The following MARK1 variants were observed in gnomAD, a reference collection of about 807,000 sequenced individuals.
MARK1 encodes the protein serine/threonine-protein kinase MARK1.
MARK1 carries 40 observed loss-of-function variants against 96.3 expected under a neutral mutation model. The observed-to-expected ratio is 0.42, with a 90% confidence interval of 0.32 to 0.54. MARK1 has a LOEUF of 0.54. Among genes scored for constraint, MARK1 ranks in the 20% least tolerant of loss-of-function variants. The probability of loss-of-function intolerance (pLI) is 0.16; values close to 1 mark genes in which losing one functional copy is unlikely to be tolerated. For synonymous variants in MARK1, 317 were observed against 341.2 expected (o/e 0.93, Z 0.78); for missense variants, 719 against 984.6 (o/e 0.73, Z 3.61).
At chr1:220,535,318 A>G (rs770623579) in intron 1 of MARK1, among the ~76,000 whole-genome samples, 2 of 152,106 alleles carry the variant, frequency 1.3e-5, no homozygotes, top group Admixed American at 6.5e-5. Flanking sequence ...TGCATTTCCC[A>G]GATGATTTGT....
At chr1:220,532,041 G>T (rs1182957891) in intron 1 of MARK1, among the ~76,000 whole-genome samples, 3 of 152,012 alleles carry the variant, frequency 2.0e-5, no homozygotes. Context: ...CTCCGATTAT[G>T]CTAATTATTA....
At chr1:220,566,722 GC>G (rs1227752677) in intron 1 of MARK1, among the ~76,000 whole-genome samples, 4 of 152,074 alleles carry the variant, frequency 2.6e-5, no homozygotes, top group Non-Finnish European at 5.9e-5. Flanking sequence ...ACAAATTCAG[GC>G]ATAATCTACT....
Position 220,615,919 on chromosome 1 carries a change from T to C in MARK1, c.496-20T>C, listed in dbSNP as rs1245670851. 2.1e-6 allele frequency: 3 copies of C among 1,398,910 alleles called. No homozygotes were observed. 86.7% of individuals were successfully genotyped at this position (1,398,910 alleles called of 1,614,324 possible). On this transcript the variant is annotated intron_variant, in intron 6 of 17. Coordinates refer to ENST00000366917, the MANE Select transcript of MARK1 (RefSeq NM_018650.5). ...CGTTTTTTTAATAATTTGACTCTTT[T>C]ATCCAAATGTTTATTCCAGATTGTA...
intron 15 of MARK1, 54 bp downstream of exon 15, chr1:220,652,204 C>T (rs1343065537): frequency 2.8e-5 from 39 of 1,414,594 alleles, no homozygotes; most frequent in Non-Finnish European, 3.7e-5. Context: ...AAAAATATAG[C>T]ACCATGTGAA....
intron 9 of MARK1, chr1:220,626,819 CAAAA>C (rs34627760): frequency 7.2e-4 from 188 of 261,222 alleles, no homozygotes; most frequent in Middle Eastern, 2.8e-3. Context: ...GACTCCATCT[CAAAA>C]AAAAAAAAAA....
At chr1:220,582,790 TCTA>T (rs1664324471) in intron 3 of MARK1, among the ~76,000 whole-genome samples, 1 of 152,232 alleles carries the variant, frequency 6.6e-6, no homozygotes, top group East Asian at 1.9e-4. Context: ...TGTCATAAAA[TCTA>T]CTAATCTTGT....
Position 220,618,529 on chromosome 1 carries a change from G to A in MARK1, c.772G>A (p.Asp258Asn), listed in dbSNP as rs963660024. 4.3e-6 allele frequency: 7 copies of A among 1,613,920 alleles called. No homozygotes were observed. Among genetic ancestry groups the A allele is most frequent in the East Asian group, 2.2e-5 (1 of 44,890 alleles). The change falls in exon 8 of 18, where the codon GAT becomes AAT. Residue 258 changes from aspartate (D) to asparagine (N), a missense_variant. Physicochemically the swap from Asp to Asn is conservative, Grantham distance 23. Coordinates refer to ENST00000366917, the MANE Select transcript of MARK1 (RefSeq NM_018650.5). This position sits in a 1 kb window ranked among gnomAD's most constrained non-coding sequence, Gnocchi z 4.6. ...ATTAGTCAGTGGCTCCTTGCCTTTC[G>A]ATGGCCAGAATTTAAAGGTATCAGC... ...YTLVSGSLPF[D>N]GQNLKELRER...
chr1:220,624,429 G>A (rs983856390), intron 9 of MARK1, among the ~76,000 whole-genome samples: 13 of 151,366 alleles, frequency 8.6e-5, no homozygotes, highest in Non-Finnish European at 1.6e-4. Context: ...GAGAAACCCC[G>A]TCTCTATTAA....
At chr1:220,599,953 G>T in intron 5 of MARK1, 90 bp downstream of exon 5, 1 of 733,598 alleles carries the variant, frequency 1.4e-6, no homozygotes, top group Non-Finnish European at 2.2e-6. Flanking sequence ...TATGTCTTCA[G>T]TGTTAATGAA....
chr1:220,656,839 C>A (rs1212909121), intron 16 of MARK1, among the ~76,000 whole-genome samples: 2 of 151,750 alleles, frequency 1.3e-5, no homozygotes, highest in Non-Finnish European at 2.9e-5. Flanking sequence ...TAGTTAAAGA[C>A]CCTGAGAGGC....
At chr1:220,651,350 C>T (rs1478318635) in intron 14 of MARK1, among the ~76,000 whole-genome samples, 1 of 152,134 alleles carries the variant, frequency 6.6e-6, no homozygotes, top group Non-Finnish European at 1.5e-5. Context: ...CCCATTCTCA[C>T]ATTTGTTTCT....
intron 1 of MARK1, among the ~76,000 whole-genome samples, chr1:220,553,526 AT>A: frequency 6.6e-6 from 1 of 152,302 alleles, no homozygotes; most frequent in East Asian, 1.9e-4. Context: ...ATGCAATGTA[AT>A]TTGTTCCTTC....
At chr1:220,573,269 CAT>C (rs942779461) in intron 1 of MARK1, among the ~76,000 whole-genome samples, 1 of 152,072 alleles carries the variant, frequency 6.6e-6, no homozygotes, top group African/African-American at 2.4e-5. Flanking sequence ...CCCATTTATA[CAT>C]GTGACAGTTT....
In MARK1 at chr1:220,615,972, T is replaced by A. The variant is rs1349442205; in HGVS notation, c.529T>A (p.Tyr177Asn). 2.6e-6 allele frequency: 4 copies of A among 1,561,644 alleles called. No homozygotes were observed. The highest frequency in any genetic ancestry group is 3.5e-6 in the Non-Finnish European group (4 of 1,140,624). ...TGCTGTACAGTATTGTCATCAAAAGTACATTGTTCACCGTGATCTTAAGGT... is the reference window on the plus strand; with the variant it reads ...TGCTGTACAGTATTGTCATCAAAAGAACATTGTTCACCGTGATCTTAAGGT... ...VSAVQYCHQK[Y>N]IVHRDLKAEN... is the part of the protein sequence containing the mutation. The change falls in exon 7 of 18, where the codon TAC becomes AAC. Residue 177 changes from tyrosine to asparagine, a missense_variant. By Grantham distance (143) the Tyr-to-Asn change is moderately radical. Transcript: ENST00000366917.
chr1:220,599,942 T>C, intron 5 of MARK1, 79 bp downstream of exon 5: 2 of 850,456 alleles, frequency 2.4e-6, no homozygotes, highest in Non-Finnish European at 1.8e-6. Flanking sequence ...ATTATGACAT[T>C]TATGTCTTCA....
chr1:220,599,919 C>A, intron 5 of MARK1, 56 bp downstream of exon 5: 1 of 1,112,924 alleles, frequency 9.0e-7, no homozygotes, highest in Non-Finnish European at 1.3e-6. Context: ...GAAATGTTAA[C>A]ACCTAAGAGT....
intron 9 of MARK1, among the ~76,000 whole-genome samples, chr1:220,625,446 T>C (rs768198296): frequency 6.6e-6 from 1 of 152,184 alleles, no homozygotes; most frequent in Non-Finnish European, 1.5e-5. Context: ...TGGAGATACA[T>C]GATTAACAGG....
At chr1:220,563,138 A>G (rs1662786811) in intron 1 of MARK1, among the ~76,000 whole-genome samples, 2 of 152,202 alleles carry the variant, frequency 1.3e-5, no homozygotes, top group Non-Finnish European at 2.9e-5. Context: ...ATCAAGGTAA[A>G]TGAAATAATG....
chr1:220,635,698 G>T (rs1667922271), intron 12 of MARK1, 135 bp from the exon 13 acceptor site: 2 of 1,138,310 alleles, frequency 1.8e-6, no homozygotes, highest in Non-Finnish European at 1.2e-6. Context: ...CCTGATTTTT[G>T]AAATCAAAAT....
Sources: gnomAD v4.1 joint callset for allele counts (sites outside exome capture counted in the v4.1 genomes callset) on GRCh38, gnomAD v4.1.1 for gene constraint, Gnocchi (gnomAD v3.1) non-coding constraint, MANE v1.5 for transcripts, NCBI Gene and HGNC (gene_info 2026-07-23, HGNC 2026-07-21) for gene names.